CACNA1E: variants seen among roughly 807,000 people sequenced by gnomAD.
CACNA1E encodes voltage-dependent R-type calcium channel subunit alpha-1E.
In CACNA1E, 40 loss-of-function variants were observed where a neutral mutation model predicts 259.2. The observed-to-expected ratio is 0.15, with a 90% CI of 0.12 to 0.20. The LOEUF (loss-of-function observed/expected upper bound fraction) is 0.20, where lower values mean the gene tolerates loss of function less well. CACNA1E is among the 10% of genes least tolerant of loss of function. The pLI is 1.00. For synonymous variants in CACNA1E, 1,104 were observed against 1,138.5 expected (o/e 0.97, Z 0.61); for missense variants, 1,874 against 3,040.1 (o/e 0.62, Z 9.02).
At chr1:181,654,613 C>T (rs1659037340) in intron 7 of CACNA1E, among the ~76,000 whole-genome samples, 1 of 152,062 alleles carries the variant, frequency 6.6e-6, no homozygotes, top group Admixed American at 6.5e-5. Context: ...GGATGTATAC[C>T]ATGGCACAGT....
At chr1:181,348,142 C>T (rs1001064557) in intron 1 of CACNA1E, among the ~76,000 whole-genome samples, 1 of 151,392 alleles carries the variant, frequency 6.6e-6, no homozygotes, top group Non-Finnish European at 1.5e-5. Context: ...GTATTGATGC[C>T]AGTTGCAGCT....
chr1:181,570,726 T>TTC (rs973104377), intron 3 of CACNA1E, among the ~76,000 whole-genome samples: 6 of 152,162 alleles, frequency 3.9e-5, no homozygotes, highest in Non-Finnish European at 7.3e-5. Flanking sequence ...TTACATTGCC[T>TTC]TCTCTCTCTC....
At chr1:181,659,875 G>A (rs1013073636) in intron 7 of CACNA1E, among the ~76,000 whole-genome samples, 2 of 152,188 alleles carry the variant, frequency 1.3e-5, no homozygotes, top group Non-Finnish European at 2.9e-5. Flanking sequence ...TCTAGTTAGT[G>A]CTTATTTTAG....
chr1:181,534,428 A>T (rs961802551), intron 3 of CACNA1E, among the ~76,000 whole-genome samples: 6 of 152,128 alleles, frequency 3.9e-5, no homozygotes, highest in African/African-American at 1.4e-4. Context: ...CAAAGTTTTT[A>T]CTAAATTAAG....
chr1:181,666,378 A>C (rs1221416873), intron 7 of CACNA1E, among the ~76,000 whole-genome samples: 1 of 152,140 alleles, frequency 6.6e-6, no homozygotes, highest in Non-Finnish European at 1.5e-5. Flanking sequence ...TGCCCTCATA[A>C]AAGTTGCTTT....
At chr1:181,440,788 C>A (rs1003859237) in intron 2 of CACNA1E, among the ~76,000 whole-genome samples, 2 of 151,740 alleles carry the variant, frequency 1.3e-5, no homozygotes, top group Non-Finnish European at 2.9e-5. Flanking sequence ...TCGACACCAG[C>A]CTGGGCAACC....
intron 3 of CACNA1E, among the ~76,000 whole-genome samples, chr1:181,544,269 A>G (rs1647227311): frequency 6.6e-6 from 1 of 152,218 alleles, no homozygotes; most frequent in Admixed American, 6.5e-5. Context: ...TAAAGGGCGT[A>G]CGATAGTTGT....
At chr1:181,765,557 G>A (rs1355540762) in intron 34 of CACNA1E, among the ~76,000 whole-genome samples, 1 of 152,140 alleles carries the variant, frequency 6.6e-6, no homozygotes. Flanking sequence ...GTTGTAAATA[G>A]TCTCATAGGG....
At chr1:181,347,831 C>T (rs952095374) in intron 1 of CACNA1E, among the ~76,000 whole-genome samples, 6 of 152,270 alleles carry the variant, frequency 3.9e-5, no homozygotes, top group Non-Finnish European at 7.3e-5. Flanking sequence ...TATCAGGCTT[C>T]TGGTGAGAAG....
intron 1 of CACNA1E, among the ~76,000 whole-genome samples, chr1:181,347,038 C>A (rs930877831): frequency 6.6e-6 from 1 of 152,174 alleles, no homozygotes; most frequent in Non-Finnish European, 1.5e-5. Context: ...GAGGACCATG[C>A]CTTTTCATGA....
At chr1:181,348,832 G>A (rs1652814591) in intron 1 of CACNA1E, among the ~76,000 whole-genome samples, 1 of 152,232 alleles carries the variant, frequency 6.6e-6, no homozygotes, top group African/African-American at 2.4e-5. Flanking sequence ...AGTAGAGCCT[G>A]TGGGGAGCAG....
intron 1 of CACNA1E, among the ~76,000 whole-genome samples, chr1:181,370,226 A>G (rs1249064690): frequency 1.3e-5 from 2 of 149,026 alleles, no homozygotes; most frequent in Non-Finnish European, 3.0e-5. Flanking sequence ...AAATCATCTC[A>G]TGTTCCAGGA....
intron 7 of CACNA1E, among the ~76,000 whole-genome samples, chr1:181,685,229 A>AG (rs1650407444): frequency 1.4e-5 from 1 of 72,414 alleles, no homozygotes; most frequent in Non-Finnish European, 2.9e-5. Flanking sequence ...CCCACCTTTA[A>AG]GTTTTTTTTT....
intron 7 of CACNA1E, among the ~76,000 whole-genome samples, chr1:181,655,664 A>C (rs1450766229): frequency 6.6e-6 from 1 of 152,208 alleles, no homozygotes; most frequent in Non-Finnish European, 1.5e-5. Flanking sequence ...TCGATGGAGG[A>C]GAGAAAGAAG....
intron 2 of CACNA1E, among the ~76,000 whole-genome samples, chr1:181,437,881 C>A (rs761401646): frequency 6.6e-6 from 1 of 152,162 alleles, no homozygotes; most frequent in East Asian, 1.9e-4. Context: ...ATAGATTCAG[C>A]CTTCATCTCT....
At chr1:181,766,439 G>A (rs1659030924) in intron 34 of CACNA1E, 107 bp from the exon 35 acceptor site, 2 of 765,478 alleles carry the variant, frequency 2.6e-6, no homozygotes, top group Admixed American at 4.1e-5. Context: ...CCCAGTCTGT[G>A]TTTGCATTAG....
Position 181,773,406 on chromosome 1 carries a change from C to T in CACNA1E, c.5139+1175C>T, listed in dbSNP as rs564958053. Among the ~76,000 whole-genome samples, 272 of 152,262 alleles carry T rather than the reference C, an allele frequency of 1.8e-3. 6 individuals carry two copies. Among genetic ancestry groups the T allele is most frequent in the Admixed American group, 7.6e-3 (117 of 15,296 alleles). On this transcript the variant is annotated intron_variant, in intron 37 of 47. Coordinates refer to ENST00000367573, the MANE Select transcript of CACNA1E (RefSeq NM_001205293.3). ...GAAAAAAATGACTTAATAATAGGAACATTTTATACACAATGAACTGATCCA... is the reference window on the plus strand; with the variant it reads ...GAAAAAAATGACTTAATAATAGGAATATTTTATACACAATGAACTGATCCA...
chr1:181,559,451 G>T (rs1321605400), intron 3 of CACNA1E, among the ~76,000 whole-genome samples: 1 of 152,150 alleles, frequency 6.6e-6, no homozygotes. Flanking sequence ...AGTGAGTGTG[G>T]ATTGAAAATA....
At chr1:181,323,790 C>T (rs116136239) in intron 1 of CACNA1E, among the ~76,000 whole-genome samples, 130 of 152,340 alleles carry the variant, frequency 8.5e-4, no homozygotes, top group Middle Eastern at 6.8e-3. Context: ...GTGAGGGATT[C>T]ATAATGACAG....
Sources: gnomAD v4.1 joint callset for allele counts (sites outside exome capture counted in the v4.1 genomes callset) on GRCh38, gnomAD v4.1.1 for gene constraint, MANE v1.5 for transcripts, NCBI Gene and HGNC (gene_info 2026-07-23, HGNC 2026-07-21) for gene names.